MAP6: variants seen among roughly 807,000 people sequenced by gnomAD.
MAP6 encodes the protein microtubule-associated protein 6.
In MAP6, 26 loss-of-function variants were observed where a neutral mutation model predicts 42.4. The ratio of observed to expected loss-of-function variants is 0.61; its 90% CI spans 0.45 to 0.85. MAP6 has a LOEUF of 0.85. Ranked by LOEUF, MAP6 falls within the 40% of genes least tolerant of loss-of-function variation. The pLI is 0.00. For synonymous variants in MAP6, 418 were observed against 443.8 expected, an observed-to-expected ratio of 0.94 and a Z score of 0.73; for missense variants, 966 against 1,099.0, an observed-to-expected ratio of 0.88 and a Z score of 1.71.
chr11:75,643,762 T>C (rs1943513120), intron 1 of MAP6, among the ~76,000 whole-genome samples: 1 of 152,128 alleles, frequency 6.6e-6, no homozygotes, highest in Admixed American at 6.5e-5. Context: ...CCCACCCCTA[T>C]GAGGTAGGTG....
chr11:75,638,157 T>TGCTCTGCTGA (rs201167682), intron 1 of MAP6, among the ~76,000 whole-genome samples: 3,218 of 152,298 alleles, frequency 0.021, 113 homozygotes, highest in African/African-American at 0.074. Context: ...ATCTGCCCAG[T>TGCTCTGCTGA]GCTCTCCTCA....
chr11:75,606,384 A>G (rs534824663), intron 2 of MAP6, among the ~76,000 whole-genome samples: 67 of 152,314 alleles, frequency 4.4e-4, no homozygotes, highest in African/African-American at 1.4e-3. Context: ...ATGAAATGTG[A>G]GCAGTGACTT....
chr11:75,615,953 G>A (rs1590772144), intron 1 of MAP6, among the ~76,000 whole-genome samples: 2 of 138,880 alleles, frequency 1.4e-5, no homozygotes, highest in South Asian at 2.8e-4. Flanking sequence ...AGGAGTGCGC[G>A]GGGCGGCAGG....
chr11:75,613,725 G>A (rs1039196442), intron 1 of MAP6, among the ~76,000 whole-genome samples: 4 of 152,176 alleles, frequency 2.6e-5, no homozygotes, highest in Non-Finnish European at 2.9e-5. Context: ...TGGGTGAACT[G>A]CAGATGAATG....
chr11:75,618,778 C>G (rs757373674), intron 1 of MAP6, among the ~76,000 whole-genome samples: 11 of 152,210 alleles, frequency 7.2e-5, no homozygotes, highest in Non-Finnish European at 1.3e-4. Context: ...CTAAATTGAC[C>G]TCCTGTCGAT....
rs1565257711 is a variant in MAP6 at position 75,605,789 on chromosome 11, A to C, written c.1316+19T>G. The C allele has an allele frequency of 6.2e-7, 1 of 1,611,940 alleles. No homozygotes were observed. Among genetic ancestry groups the C allele is most frequent in the East Asian group, 2.2e-5 (1 of 44,814 alleles). On this transcript the variant is annotated intron_variant, in intron 3 of 3. Transcript: ENST00000304771. ...GGGAGAGAGAGAGAAGAGTAAAAGGAAAGTGCAGGGAAATTTACTCTTTCG... is the reference window on the plus strand; with the variant it reads ...GGGAGAGAGAGAGAAGAGTAAAAGGCAAGTGCAGGGAAATTTACTCTTTCG...
chr11:75,613,286 G>A (rs973757893), intron 1 of MAP6, among the ~76,000 whole-genome samples: 7 of 152,026 alleles, frequency 4.6e-5, no homozygotes, highest in Non-Finnish European at 8.8e-5. Flanking sequence ...CTTGCTTCTC[G>A]GTGGCATAGG....
chr11:75,667,917 C>G lies in MAP6; in HGVS notation c.453G>C (p.Glu151Asp), dbSNP rs1456279607. 1 of 1,412,360 alleles carries G rather than the reference C, an allele frequency of 7.1e-7. No individual in the cohort carries two copies. The highest frequency in any genetic ancestry group is 1.5e-5 in the South Asian group (1 of 65,304). The allele number at this position is 1,412,360 out of a possible 1,614,324, so 87.5% of individuals were successfully genotyped here. ...AGTCCTTCTGGTACTGGGTCTCGCG[C>G]TCGAAGGGAGCGTCGGAGGGCTGGT... ...SEYQPSDAPF[E>D]RETQYQKDFR... The change falls in exon 1 of 4, where the codon GAG becomes GAC. Residue 151 changes from glutamate (E) to aspartate (D), a missense_variant. Physicochemically the swap from Glu to Asp is conservative, Grantham distance 45. Transcript: ENST00000304771. The surrounding 1 kb of genome is among the most constrained non-coding windows in gnomAD (Gnocchi z 5.6).
Position 75,605,876 on chromosome 11 carries a change from C to A in MAP6, c.1248G>T (p.Pro416=). ...CCTTGTCGTCTGGCTTGGTGGTACTCGGGCCCTCCGCGCTCTTTTTCTTGG... is the reference window on the plus strand; with the variant it reads ...CCTTGTCGTCTGGCTTGGTGGTACTAGGGCCCTCCGCGCTCTTTTTCTTGG... The part of the protein sequence containing the change: ...QAAKKKSAEG[P]STTKPDDKEQ... The change falls in exon 3 of 4, where the codon CCG becomes CCT. Residue 416 remains proline (P), a synonymous_variant. Coordinates refer to ENST00000304771, the MANE Select transcript of MAP6 (RefSeq NM_033063.2). The A allele has an allele frequency of 6.2e-7, 1 of 1,614,140 alleles. No individual in the cohort carries two copies. The highest frequency in any genetic ancestry group is 1.1e-5 in the South Asian group (1 of 91,080).
At chr11:75,635,425 T>C (rs960505377) in intron 1 of MAP6, among the ~76,000 whole-genome samples, 1 of 152,252 alleles carries the variant, frequency 6.6e-6, no homozygotes. Context: ...GCCCCTTCCA[T>C]CAGCACCAGG....
Position 75,605,935 on chromosome 11 carries a change from C to T in MAP6, c.1189G>A (p.Ala397Thr), listed in dbSNP as rs192196053. The T allele has an allele frequency of 1.7e-5, 27 of 1,613,976 alleles. No homozygotes were observed. The East Asian group carries it at 5.3e-4, about 32-fold the overall frequency. Residue 397 changes from alanine (A) to threonine (T), a missense_variant, in exon 3 of 4, where the codon GCC becomes ACC. Coordinates refer to ENST00000304771, the MANE Select transcript of MAP6 (RefSeq NM_033063.2). ...CCTGACACCGCCTGCTTGTCTTTGG[C>T]CTTCCTCGTGGGCTTATGGCTCGCT... is the stretch of plus-strand genomic sequence containing the variant. ...TSASHKPTRK[A>T]KDKQAVSGQA...
chr11:75,606,090 A>G, intron 2 of MAP6, 86 bp from the exon 3 acceptor site: 1 of 1,495,416 alleles, frequency 6.7e-7, no homozygotes, highest in Non-Finnish European at 9.0e-7. Flanking sequence ...ATGGTTAATT[A>G]AGGAATGACG....
chr11:75,665,282 A>G (rs1943928552), intron 1 of MAP6, among the ~76,000 whole-genome samples: 1 of 152,220 alleles, frequency 6.6e-6, no homozygotes, highest in South Asian at 2.1e-4. Context: ...GAAAAAGGCT[A>G]TATGGAACAA....
At chr11:75,615,250 G>C (rs1040205636) in intron 1 of MAP6, among the ~76,000 whole-genome samples, 1 of 152,130 alleles carries the variant, frequency 6.6e-6, no homozygotes, top group Admixed American at 6.6e-5. Context: ...CCATGGGCCA[G>C]GTCTTGCCTG....
In MAP6 at chr11:75,587,704, G is replaced by C; in HGVS notation, c.1797C>G (p.Val599=). ...SASVKDQGPM[V]SAPVKDQGPI... ...GACCTTGATCCTTGACAGGTGCTGA[G>C]ACCATGGGACCTTGATCCTTGACAG... The change falls in exon 4 of 4, where the codon GTC becomes GTG. Residue 599 remains valine, a synonymous_variant. Coordinates refer to ENST00000304771, the MANE Select transcript of MAP6 (RefSeq NM_033063.2). 1 of 1,613,500 alleles carries C rather than the reference G, an allele frequency of 6.2e-7. No homozygotes were observed. Among genetic ancestry groups the C allele is most frequent in the Non-Finnish European group, 8.5e-7 (1 of 1,179,740 alleles).
intron 1 of MAP6, among the ~76,000 whole-genome samples, chr11:75,650,412 A>C (rs534115080): frequency 6.6e-6 from 1 of 152,348 alleles, no homozygotes; most frequent in South Asian, 2.1e-4. Context: ...TTTCCCTGCC[A>C]AGCATTTATC....
At chr11:75,613,082 A>G (rs1299960742) in intron 1 of MAP6, among the ~76,000 whole-genome samples, 1 of 152,212 alleles carries the variant, frequency 6.6e-6, no homozygotes, top group Non-Finnish European at 1.5e-5. Flanking sequence ...TAGGACTCCA[A>G]TCCCTGCCTG....
chr11:75,596,206 AGCGAAAAC>A (rs1942576276), intron 3 of MAP6: 1 of 152,266 alleles, frequency 6.6e-6, no homozygotes, highest in Admixed American at 6.5e-5. Flanking sequence ...ACCTTCCAGA[AGCGAAAAC>A]GCGGTGCAGA....
intron 1 of MAP6, among the ~76,000 whole-genome samples, chr11:75,644,343 G>T (rs1456288482): frequency 1.3e-5 from 2 of 152,100 alleles, no homozygotes; most frequent in Non-Finnish European, 2.9e-5. Context: ...TGACAGAGTT[G>T]TGACGACTAG....
Sources: gnomAD v4.1 joint callset for allele counts (sites outside exome capture counted in the v4.1 genomes callset) on GRCh38, gnomAD v4.1.1 for gene constraint, Gnocchi (gnomAD v3.1) non-coding constraint, MANE v1.5 for transcripts, NCBI Gene and HGNC (gene_info 2026-07-23, HGNC 2026-07-21) for gene names.